TIAM2: variants seen among roughly 807,000 people sequenced by gnomAD.
TIAM2 encodes the protein rho guanine nucleotide exchange factor TIAM2.
A neutral mutation model predicts 152.9 loss-of-function variants in TIAM2; 80 were observed. The ratio of observed to expected loss-of-function variants is 0.52; its 90% confidence interval spans 0.44 to 0.63. TIAM2 has a LOEUF of 0.63. Among genes scored for constraint, TIAM2 ranks in the 30% least tolerant of loss-of-function variants. The pLI, the probability that TIAM2 is intolerant of heterozygous loss-of-function variation, is 0.00. For missense variants in TIAM2, 1,965 were observed against 2,120.1 expected (o/e 0.93, Z 1.44); for synonymous variants, 804 against 838.0 (o/e 0.96, Z 0.70).
intron 5 of TIAM2, among the ~76,000 whole-genome samples, chr6:155,141,981 G>A (rs1206310796): frequency 6.6e-6 from 1 of 152,120 alleles, no homozygotes; most frequent in African/African-American, 2.4e-5. Context: ...CAGTGTCAAC[G>A]ACCCCTCCAA....
intron 1 of TIAM2, among the ~76,000 whole-genome samples, chr6:155,081,029 T>C (rs1778051352): frequency 6.6e-6 from 1 of 152,156 alleles, no homozygotes; most frequent in African/African-American, 2.4e-5. Context: ...AGGTCCACAG[T>C]GAGGGGGCCA....
intron 26 of TIAM2, chr6:155,256,176 C>T (rs954970361): frequency 3.8e-6 from 2 of 529,490 alleles, no homozygotes; most frequent in African/African-American, 3.9e-5. Context: ...ATTAACTTTT[C>T]AACTTACTCC....
intron 15 of TIAM2, among the ~76,000 whole-genome samples, chr6:155,212,941 T>C (rs1441847589): frequency 2.0e-5 from 3 of 152,132 alleles, no homozygotes; most frequent in Non-Finnish European, 4.4e-5. Context: ...ATCACACATA[T>C]TACAAGCAGT....
At chr6:155,104,839 G>A (rs1369787024) in intron 2 of TIAM2, among the ~76,000 whole-genome samples, 2 of 152,254 alleles carry the variant, frequency 1.3e-5, no homozygotes, top group East Asian at 1.9e-4. Flanking sequence ...GCCTATATGG[G>A]TAGATGGATG....
chr6:155,162,028 A>G (rs547992979), intron 7 of TIAM2, among the ~76,000 whole-genome samples: 8 of 151,186 alleles, frequency 5.3e-5, no homozygotes, highest in Non-Finnish European at 1.0e-4. Flanking sequence ...CGTGATCTCA[A>G]TTCACTGCAG....
At chr6:155,015,626 G>A (rs1778561275) in intron 1 of TIAM2, among the ~76,000 whole-genome samples, 1 of 152,052 alleles carries the variant, frequency 6.6e-6, no homozygotes, top group African/African-American at 2.4e-5. Context: ...TGAGCAGGAT[G>A]GGAGGTGAGG....
intron 1 of TIAM2, among the ~76,000 whole-genome samples, chr6:155,025,107 A>G (rs1274062470): frequency 6.6e-6 from 1 of 151,690 alleles, no homozygotes; most frequent in Non-Finnish European, 1.5e-5. Flanking sequence ...GCTCACTGCA[A>G]CCTCTGCCTC....
intron 2 of TIAM2, among the ~76,000 whole-genome samples, chr6:155,098,891 A>C (rs1290771542): frequency 6.6e-6 from 1 of 152,232 alleles, no homozygotes; most frequent in Non-Finnish European, 1.5e-5. Flanking sequence ...CTTGGAGTTT[A>C]TAAATGTACC....
intron 4 of TIAM2, 88 bp from the exon 5 acceptor site, chr6:155,137,089 C>T: frequency 3.0e-6 from 4 of 1,352,842 alleles, no homozygotes; most frequent in Non-Finnish European, 3.0e-6. Context: ...TTATCAGCAG[C>T]CACTGGTATT....
rs527425993 is a variant in TIAM2 at position 155,005,676 on chromosome 6, A to T, written c.-209+10184A>T. Among the ~76,000 whole-genome samples, 1,279 of 135,434 alleles carry T rather than the reference A, an allele frequency of 9.4e-3. 10 individuals are homozygous for T. The highest frequency in any genetic ancestry group is 0.017 in the Middle Eastern group (4 of 238). 88.8% of individuals were successfully genotyped at this position (135,434 alleles called of 152,430 possible). The stretch of plus-strand genomic sequence containing the variant: ...CTTTACTTTTTTTTTTTTTTTTGAG[A>T]TGGAGTTTTGCTCTTGTTGCCTAGG... On this transcript the variant is annotated intron_variant, in intron 1 of 26. Coordinates refer to ENST00000682666, the MANE Select transcript of TIAM2 (RefSeq NM_012454.4).
At chr6:155,057,645 A>G (rs1473727232) in intron 1 of TIAM2, among the ~76,000 whole-genome samples, 1 of 144,982 alleles carries the variant, frequency 6.9e-6, no homozygotes, top group Non-Finnish European at 1.5e-5. Flanking sequence ...TCCCAGGTTC[A>G]AGTGATTCTT....
intron 7 of TIAM2, among the ~76,000 whole-genome samples, chr6:155,151,565 A>G (rs1191900610): frequency 6.6e-6 from 1 of 152,162 alleles, no homozygotes; most frequent in African/African-American, 2.4e-5. Context: ...CAAGGCTCAG[A>G]TGGTAAGGTT....
At chr6:155,140,751 G>A (rs954088416) in intron 5 of TIAM2, among the ~76,000 whole-genome samples, 2 of 152,196 alleles carry the variant, frequency 1.3e-5, no homozygotes, top group African/African-American at 2.4e-5. Context: ...GAACAGCAGT[G>A]TGTAGAAGAG....
In TIAM2 at chr6:155,129,291, C is replaced by T; in HGVS notation, c.68C>T (p.Ala23Val). ...AATCATAGCAATACTATTACTGGTG[C>T]TAAGCAAATTCCTTGCTCCCTGAAA... ...SKNHSNTITG[A>V]KQIPCSLKIR... is the part of the protein sequence containing the mutation. The change falls in exon 4 of 27, where the codon GCT (alanine) becomes GTT (valine). Residue 23 changes from alanine (A) to valine (V), a missense_variant. This residue lies in a region of TIAM2 where 1,025 missense variants were observed against 1,119.4 expected (regional missense o/e 0.92). Transcript: ENST00000682666. This position sits in a 1 kb window ranked among gnomAD's most constrained non-coding sequence, Gnocchi z 4.8. The T allele has an allele frequency of 6.2e-7, 1 of 1,614,226 alleles. No homozygotes were observed. Among genetic ancestry groups the T allele is most frequent in the South Asian group, 1.1e-5 (1 of 91,086 alleles).
At chr6:155,233,187 T>C (rs922971767) in intron 15 of TIAM2, among the ~76,000 whole-genome samples, 11 of 152,220 alleles carry the variant, frequency 7.2e-5, no homozygotes, top group Non-Finnish European at 1.6e-4. Flanking sequence ...GTGATGTACC[T>C]ACCCCGTAGT....
rs1251976258 is a variant in TIAM2, at chr6:155,174,127, G to A, written c.2362-2689G>A. Among the ~76,000 whole-genome samples, 2 of 152,166 alleles carry A rather than the reference G, an allele frequency of 1.3e-5. No individual in the cohort carries two copies. The highest frequency in any genetic ancestry group is 6.5e-5 in the Admixed American group (1 of 15,286). ...ATATAAAGGGAGTTAACTGCCAGGCGGGCATTCTGTGTAGTATAGTGGTGG... is the reference window on the plus strand; with the variant it reads ...ATATAAAGGGAGTTAACTGCCAGGCAGGCATTCTGTGTAGTATAGTGGTGG... On this transcript the variant is annotated intron_variant, in intron 9 of 26. Transcript: ENST00000682666. The surrounding 1 kb of genome is among the most constrained non-coding windows in gnomAD (Gnocchi z 4.2).
intron 18 of TIAM2, 193 bp downstream of exon 18, chr6:155,244,976 C>T (rs957071952): frequency 2.4e-5 from 15 of 636,480 alleles, no homozygotes; most frequent in Admixed American, 3.9e-5. Flanking sequence ...TTTTTCCTGG[C>T]GCAGGTGCTT....
At position 155,029,552 on chromosome 6, in the gene TIAM2, TATAA is replaced by T. The variant is rs1414642090; in HGVS notation, c.-209+34064_-209+34067del. 2.6e-4 allele frequency among the ~76,000 whole-genome samples: 14 copies of T among 54,126 alleles called. No individual in the cohort carries two copies. The East Asian group carries it at 4.0e-3, about 15-fold the overall frequency. The allele number at this position is 54,126 out of a possible 152,430, so 35.5% of individuals were successfully genotyped here. ...ATAGATAATAATATATATTATGTAG[TATAA>T]ATATATACTATATAATAGTATATAT... On this transcript the variant is annotated intron_variant, in intron 1 of 26. Transcript: ENST00000682666.
chr6:155,177,730 A>T (rs1363425774), intron 10 of TIAM2, among the ~76,000 whole-genome samples: 1 of 152,222 alleles, frequency 6.6e-6, no homozygotes, highest in Non-Finnish European at 1.5e-5. Flanking sequence ...AAACATTAGG[A>T]TTCTCTACAT....
Sources: allele counts gnomAD v4.1 joint callset (sites outside exome capture counted in the v4.1 genomes callset), GRCh38; gene constraint gnomAD v4.1.1; regional missense constraint gnomAD v4.1.1; non-coding constraint Gnocchi (gnomAD v3.1); transcripts MANE v1.5; gene names NCBI Gene and HGNC (gene_info 2026-07-23, HGNC 2026-07-21).